DRC11: variants seen among roughly 807,000 people sequenced by gnomAD.
DRC11 encodes IQ and AAA domain-containing protein 1.
the DRC11 span, chr2:236,380,523 C>T: frequency 3.4e-6 from 5 of 1,458,860 alleles, no homozygotes; most frequent in Non-Finnish European, 3.8e-6. The surrounding 1 kb of genome is among the most constrained non-coding windows in gnomAD (Gnocchi z 4.9). Flanking sequence ...GTGCTGTTCT[C>T]TGGGGCTGCT....
the DRC11 span, among the ~76,000 whole-genome samples, chr2:236,453,861 C>T: frequency 1.3e-5 from 2 of 152,078 alleles, no homozygotes; most frequent in African/African-American, 4.8e-5. This position sits in a 1 kb window ranked among gnomAD's most constrained non-coding sequence, Gnocchi z 4.9. Context: ...AGGCTGGTCT[C>T]GAACTCCTGA....
chr2:236,328,032 G>A, the DRC11 span, among the ~76,000 whole-genome samples: 1 of 151,940 alleles, frequency 6.6e-6, no homozygotes, highest in Non-Finnish European at 1.5e-5. This position sits in a 1 kb window ranked among gnomAD's most constrained non-coding sequence, Gnocchi z 6.7. Context: ...CCTCCCTAAT[G>A]TTTCTGGTCT....
chr2:236,502,548 CAAAAAAAAAAAAAAAAAAA>C, the DRC11 span, among the ~76,000 whole-genome samples: 3 of 15,092 alleles, frequency 2.0e-4, no homozygotes, highest in African/African-American at 4.2e-4. Flanking sequence ...TGCACTCCAG[CAAAAAAAAAAAAAAAAAAA>C]AAAAAAAAAA....
chr2:236,421,842 C>G, the DRC11 span, among the ~76,000 whole-genome samples: 2 of 152,146 alleles, frequency 1.3e-5, no homozygotes, highest in Admixed American at 6.5e-5. Flanking sequence ...AGCAGCACAT[C>G]AAAAAGCTTA....
At chr2:236,326,457 T>C in the DRC11 span, among the ~76,000 whole-genome samples, 2 of 152,250 alleles carry the variant, frequency 1.3e-5, no homozygotes, top group Non-Finnish European at 2.9e-5. Context: ...TGTCCACAGA[T>C]TGCTCTTTGA....
chr2:236,408,242 T>G, the DRC11 span: 4 of 839,528 alleles, frequency 4.8e-6, no homozygotes, highest in African/African-American at 1.7e-5. The surrounding 1 kb of genome is among the most constrained non-coding windows in gnomAD (Gnocchi z 5.5). Context: ...GTGATCTCAG[T>G]GCGGTGATGG....
the DRC11 span, among the ~76,000 whole-genome samples, chr2:236,349,070 C>T: frequency 6.6e-6 from 1 of 152,172 alleles, no homozygotes; most frequent in Non-Finnish European, 1.5e-5. This position sits in a 1 kb window ranked among gnomAD's most constrained non-coding sequence, Gnocchi z 5.5. Flanking sequence ...CCTGGGTATC[C>T]ACCCTTGTCT....
the DRC11 span, chr2:236,344,489 G>A: frequency 1.9e-6 from 2 of 1,054,268 alleles, no homozygotes; most frequent in Non-Finnish European, 2.9e-6. Context: ...AAAAGTAGAG[G>A]TAGGCCTTGG....
the DRC11 span, among the ~76,000 whole-genome samples, chr2:236,503,928 G>C: frequency 8.5e-5 from 13 of 152,282 alleles, no homozygotes; most frequent in East Asian, 2.1e-3. This position sits in a 1 kb window ranked among gnomAD's most constrained non-coding sequence, Gnocchi z 4.9. Flanking sequence ...GAGGCGGCAA[G>C]ATGATTTTTC....
chr2:236,389,663 C>T, the DRC11 span, among the ~76,000 whole-genome samples: 1 of 152,206 alleles, frequency 6.6e-6, no homozygotes, highest in Admixed American at 6.5e-5. Flanking sequence ...GGAGCTGTTC[C>T]TATTCGGCCA....
the DRC11 span, among the ~76,000 whole-genome samples, chr2:236,473,185 G>A: frequency 6.6e-6 from 1 of 152,242 alleles, no homozygotes; most frequent in South Asian, 2.1e-4. This position sits in a 1 kb window ranked among gnomAD's most constrained non-coding sequence, Gnocchi z 4.8. Flanking sequence ...TGAAATGAAA[G>A]TGTGATCATC....
At chr2:236,345,849 G>A in the DRC11 span, among the ~76,000 whole-genome samples, 3 of 152,216 alleles carry the variant, frequency 2.0e-5, no homozygotes, top group Non-Finnish European at 2.9e-5. Context: ...CATCATTAAG[G>A]CAGCAGGCAT....
chr2:236,365,652 G>A, the DRC11 span, among the ~76,000 whole-genome samples: 2 of 152,064 alleles, frequency 1.3e-5, no homozygotes, highest in Non-Finnish European at 2.9e-5. The surrounding 1 kb of genome is among the most constrained non-coding windows in gnomAD (Gnocchi z 7.4). Context: ...GAGTGGACCC[G>A]GGAGAGTGTG....
chr2:236,357,478 ATT>A, the DRC11 span, among the ~76,000 whole-genome samples: 237 of 127,260 alleles, frequency 1.9e-3, 1 homozygote, highest in African/African-American at 6.9e-3. Flanking sequence ...TTACATGTAT[ATT>A]TATATATTAT....
chr2:236,355,285 G>C, the DRC11 span, among the ~76,000 whole-genome samples: 1 of 152,230 alleles, frequency 6.6e-6, no homozygotes, highest in African/African-American at 2.4e-5. Context: ...GCCCACTGTG[G>C]GGCGGGGAGA....
the DRC11 span, among the ~76,000 whole-genome samples, chr2:236,352,970 C>T: frequency 6.6e-6 from 1 of 152,148 alleles, no homozygotes; most frequent in Non-Finnish European, 1.5e-5. This position sits in a 1 kb window ranked among gnomAD's most constrained non-coding sequence, Gnocchi z 7.0. Context: ...ACTGCCCCCC[C>T]AGGGGTTCCA....
At chr2:236,465,664 G>A in the DRC11 span, 2 of 1,613,456 alleles carry the variant, frequency 1.2e-6, no homozygotes, top group Non-Finnish European at 1.7e-6. This position sits in a 1 kb window ranked among gnomAD's most constrained non-coding sequence, Gnocchi z 6.2. Context: ...CACCTTTTCA[G>A]CCTGGATTAC....
chr2:236,357,062 A>ATATATTCATATATTATATATCTATT, the DRC11 span, among the ~76,000 whole-genome samples: 1 of 89,824 alleles, frequency 1.1e-5, no homozygotes, highest in Non-Finnish European at 2.5e-5. Flanking sequence ...ATCTATTTAT[A>ATATATTCATATATTATATATCTATT]TATTCATATA....
the DRC11 span, among the ~76,000 whole-genome samples, chr2:236,498,338 G>GC: frequency 2.3e-4 from 35 of 151,902 alleles, no homozygotes; most frequent in Non-Finnish European, 4.0e-4. Context: ...AGTGGCGCCC[G>GC]CCTGTAGTCC....
Sources: gnomAD v4.1 joint callset for allele counts (sites outside exome capture counted in the v4.1 genomes callset) on GRCh38, gnomAD v4.1.1 for gene constraint, Gnocchi (gnomAD v3.1) non-coding constraint, MANE v1.5 for transcripts, NCBI Gene and HGNC (gene_info 2026-07-23, HGNC 2026-07-21) for gene names.